The following LEF1 variants were observed in gnomAD, a reference collection of about 807,000 sequenced individuals.
LEF1 encodes lymphoid enhancer binding factor 1.
A neutral mutation model predicts 51.2 loss-of-function variants in LEF1; 14 were observed. The ratio of observed to expected loss-of-function variants is 0.27; its 90% CI spans 0.18 to 0.43. The LOEUF is 0.43. Ranked by LOEUF, LEF1 falls within the 20% of genes least tolerant of loss-of-function variation. The pLI is 1.00. For synonymous variants in LEF1, 185 were observed against 183.2 expected, an observed-to-expected ratio of 1.01 and a Z score of -0.08; for missense variants, 386 against 512.0, an observed-to-expected ratio of 0.75 and a Z score of 2.37.
intron 7 of LEF1, 79 bp downstream of exon 7, chr4:108,079,413 T>C (rs1739135085): frequency 6.7e-6 from 10 of 1,482,866 alleles, no homozygotes; most frequent in Admixed American, 5.2e-5. Flanking sequence ...GGGTGAAGGA[T>C]CACTGTTGCA....
intron 11 of LEF1, among the ~76,000 whole-genome samples, chr4:108,059,369 G>A (rs1737523488): frequency 6.6e-6 from 1 of 152,238 alleles, no homozygotes; most frequent in African/African-American, 2.4e-5. Flanking sequence ...CTAGGTTGGA[G>A]TGCAGTGGTG....
chr4:108,058,645 A>G (rs912138022), intron 11 of LEF1, among the ~76,000 whole-genome samples: 1 of 152,148 alleles, frequency 6.6e-6, no homozygotes, highest in African/African-American at 2.4e-5. Flanking sequence ...CGATTTATAT[A>G]CTTCTTATTC....
chr4:108,086,987 G>A (rs553514596), intron 4 of LEF1, among the ~76,000 whole-genome samples: 17 of 152,230 alleles, frequency 1.1e-4, no homozygotes, highest in African/African-American at 4.1e-4. Flanking sequence ...GATGATCTTC[G>A]GTTGTTTTTT....
intron 3 of LEF1, among the ~76,000 whole-genome samples, chr4:108,130,081 T>A (rs1162380707): frequency 6.6e-6 from 1 of 152,182 alleles, no homozygotes; most frequent in African/African-American, 2.4e-5. Flanking sequence ...AATAATCACC[T>A]AGAGGAAAAT....
intron 3 of LEF1, among the ~76,000 whole-genome samples, chr4:108,142,774 A>G (rs1743754875): frequency 6.6e-6 from 1 of 152,198 alleles, no homozygotes; most frequent in South Asian, 2.1e-4. Flanking sequence ...TCAATATTAC[A>G]TAGCTCTACA....
At chr4:108,072,345 AC>A (rs1299173510) in intron 8 of LEF1, 1 of 152,226 alleles carries the variant, frequency 6.6e-6, no homozygotes. Flanking sequence ...TTGTTTGACA[AC>A]AGTACATGAA....
intron 3 of LEF1, among the ~76,000 whole-genome samples, chr4:108,136,076 GT>G (rs1261154832): frequency 2.6e-5 from 4 of 152,076 alleles, no homozygotes; most frequent in African/African-American, 7.2e-5. Context: ...TCTTTCAAGG[GT>G]TAAAATTCAG....
chr4:108,071,032 T>C (rs1215805830), intron 8 of LEF1: 4 of 311,350 alleles, frequency 1.3e-5, no homozygotes, highest in Non-Finnish European at 1.2e-5. Flanking sequence ...CAAAGTAAAA[T>C]GATCTCTGTC....
At chr4:108,163,219 C>G (rs988356647) in intron 3 of LEF1, among the ~76,000 whole-genome samples, 1 of 152,228 alleles carries the variant, frequency 6.6e-6, no homozygotes, top group Non-Finnish European at 1.5e-5. Context: ...AAAAGCTATA[C>G]AGTCCTTACT....
At chr4:108,113,865 A>G (rs78998183) in intron 3 of LEF1, among the ~76,000 whole-genome samples, 3,817 of 152,280 alleles carry the variant, frequency 0.025, 148 homozygotes, top group African/African-American at 0.087. Flanking sequence ...GAAAAGACGG[A>G]TCCAATTGAA....
In LEF1 at chr4:108,149,839, T is replaced by C. The variant is rs1209173519; in HGVS notation, c.414+13729A>G. ...ATAGATACAGAAAGAATGTCTGAAA[T>C]GAAACAATTCATCAAAATGAAACCA... is the stretch of plus-strand genomic sequence containing the variant. On this transcript the variant is annotated intron_variant, in intron 3 of 11. Coordinates refer to ENST00000265165, the MANE Select transcript of LEF1 (RefSeq NM_016269.5). Among the ~76,000 whole-genome samples the C allele has an allele frequency of 2.0e-5, 3 of 151,878 alleles. No individual in the cohort carries two copies. In the East Asian group the frequency reaches 5.8e-4, roughly 29 times the overall value.
At chr4:108,151,188 G>C (rs1213655558) in intron 3 of LEF1, among the ~76,000 whole-genome samples, 1 of 152,004 alleles carries the variant, frequency 6.6e-6, no homozygotes, top group Non-Finnish European at 1.5e-5. Flanking sequence ...CTCACCATCA[G>C]GCTAGAACAC....
chr4:108,126,928 A>G (rs1742580960), intron 3 of LEF1, among the ~76,000 whole-genome samples: 1 of 151,384 alleles, frequency 6.6e-6, no homozygotes, highest in Non-Finnish European at 1.5e-5. Flanking sequence ...TACAAACATG[A>G]TCTCTGTCCT....
chr4:108,115,937 A>G (rs1414139077), intron 3 of LEF1, among the ~76,000 whole-genome samples: 1 of 150,926 alleles, frequency 6.6e-6, no homozygotes, highest in African/African-American at 2.5e-5. Context: ...CTTCCTCTTT[A>G]CTGCTTTCTT....
chr4:108,070,620 ATGAG>A, intron 9 of LEF1, 39 bp downstream of exon 9: 1 of 1,279,292 alleles, frequency 7.8e-7, no homozygotes, highest in African/African-American at 1.5e-5. Context: ...AAAAGAGCGA[ATGAG>A]TGAGAGTGGA....
intron 3 of LEF1, among the ~76,000 whole-genome samples, chr4:108,133,840 T>A (rs1199603454): frequency 6.6e-6 from 1 of 152,188 alleles, no homozygotes; most frequent in African/African-American, 2.4e-5. Flanking sequence ...GAAAATAATC[T>A]CATTTTATTG....
chr4:108,089,394 G>A (rs1054078047), intron 3 of LEF1, 137 bp from the exon 4 acceptor site: 47 of 827,506 alleles, frequency 5.7e-5, no homozygotes, highest in Non-Finnish European at 8.3e-5. Flanking sequence ...TGGACAGGTG[G>A]AAATGTCTCT....
At chr4:108,125,083 T>C (rs1203850764) in intron 3 of LEF1, among the ~76,000 whole-genome samples, 1 of 152,258 alleles carries the variant, frequency 6.6e-6, no homozygotes, top group Non-Finnish European at 1.5e-5. Context: ...TCTGAACTAA[T>C]GCACTGAACT....
intron 3 of LEF1, among the ~76,000 whole-genome samples, chr4:108,158,965 C>CT (rs1194411856): frequency 2.7e-5 from 4 of 150,858 alleles, no homozygotes; most frequent in East Asian, 1.9e-4. Flanking sequence ...GCTCAATGGT[C>CT]TTTTTTTTAG....
Sources: gnomAD v4.1 joint callset for allele counts (sites outside exome capture counted in the v4.1 genomes callset) on GRCh38, gnomAD v4.1.1 for gene constraint, MANE v1.5 for transcripts, NCBI Gene and HGNC (gene_info 2026-07-23, HGNC 2026-07-21) for gene names.